CSMD1: variants seen among roughly 807,000 people sequenced by gnomAD.
The protein encoded by CSMD1 is CUB and sushi domain-containing protein 1.
In CSMD1, 213 loss-of-function variants were observed where a neutral mutation model predicts 417.5. The ratio of observed to expected loss-of-function variants is 0.51; its 90% confidence interval spans 0.46 to 0.57. CSMD1 has a LOEUF of 0.57. Ranked by LOEUF, CSMD1 falls within the 20% of genes least tolerant of loss-of-function variation. The probability of loss-of-function intolerance (pLI) is 0.00; values close to 1 mark genes in which losing one functional copy is unlikely to be tolerated. For missense variants in CSMD1, 6,923 were observed against 4,529.7 expected, an observed-to-expected ratio of 1.53 and a Z score of -15.17; for synonymous variants, 2,862 against 1,736.8, an observed-to-expected ratio of 1.65 and a Z score of -16.11.
chr8:4,216,422 T>C (rs1800672107), intron 3 of CSMD1, among the ~76,000 whole-genome samples: 1 of 152,156 alleles, frequency 6.6e-6, no homozygotes. Context: ...AAATTAATAC[T>C]TATTTGAAGT....
At position 4,687,174 on chromosome 8, in the gene CSMD1, G is replaced by A. The variant is rs1270198324; in HGVS notation, c.86-49616C>T. Among the ~76,000 whole-genome samples, 5 of 152,324 alleles carry A rather than the reference G, an allele frequency of 3.3e-5. No individual in the cohort carries two copies. In the South Asian group the frequency reaches 8.3e-4, roughly 25 times the overall value. The stretch of plus-strand genomic sequence containing the variant: ...ACCGCTGCCAGCCAGAGAGGCAGGG[G>A]TCTTAGTGTGAGCATCAGAGCCAAG... On this transcript the variant is annotated intron_variant, in intron 1 of 69. Coordinates refer to ENST00000635120, the MANE Select transcript of CSMD1 (RefSeq NM_033225.6).
At chr8:3,976,597 G>A (rs546987405) in intron 5 of CSMD1, among the ~76,000 whole-genome samples, 1 of 152,292 alleles carries the variant, frequency 6.6e-6, no homozygotes, top group South Asian at 2.1e-4. Context: ...GGCAAGATTT[G>A]CATAAGCATT....
At chr8:3,005,456 A>C (rs983507738) in intron 52 of CSMD1, among the ~76,000 whole-genome samples, 1 of 152,202 alleles carries the variant, frequency 6.6e-6, no homozygotes, top group African/African-American at 2.4e-5. Flanking sequence ...AAAGCTGGGC[A>C]GAAACACAAC....
intron 3 of CSMD1, among the ~76,000 whole-genome samples, chr8:4,156,243 T>C (rs1019731537): frequency 2.6e-4 from 40 of 152,190 alleles, no homozygotes; most frequent in African/African-American, 9.2e-4. Context: ...AAAATCTTTC[T>C]TTTTACTAAC....
At chr8:3,236,973 C>G (rs1471031124) in intron 26 of CSMD1, among the ~76,000 whole-genome samples, 1 of 152,028 alleles carries the variant, frequency 6.6e-6, no homozygotes, top group Non-Finnish European at 1.5e-5. Context: ...GGGGACATCT[C>G]TGCCACCTGT....
rs182417320 is a variant in CSMD1, at chr8:4,062,632, A to G, written c.416-30533T>C. Among the ~76,000 whole-genome samples the G allele has an allele frequency of 1.9e-4, 29 of 152,240 alleles. No homozygotes were observed. In the East Asian group the frequency reaches 5.4e-3, roughly 28 times the overall value. Reference sequence around the variant, plus strand: ...TAAAGCTGGAAAAACAGCACTTATTAGATTTCAATTCAGTAGTCACGTGCA... The same window carrying G: ...TAAAGCTGGAAAAACAGCACTTATTGGATTTCAATTCAGTAGTCACGTGCA... On this transcript the variant is annotated intron_variant, in intron 3 of 69. Transcript: ENST00000635120.
intron 54 of CSMD1, among the ~76,000 whole-genome samples, chr8:2,983,891 G>A (rs11781547): frequency 0.014 from 2,171 of 152,178 alleles, 16 homozygotes; most frequent in Non-Finnish European, 0.021. Flanking sequence ...AAGTAAAATC[G>A]AAACTGTCAG....
chr8:3,274,837 G>A (rs1447844022), intron 26 of CSMD1, among the ~76,000 whole-genome samples: 1 of 152,140 alleles, frequency 6.6e-6, no homozygotes, highest in Admixed American at 6.5e-5. Flanking sequence ...CCCGTGAGAT[G>A]TGTTTCCTGA....
At chr8:4,522,570 T>A (rs1472412021) in intron 2 of CSMD1, among the ~76,000 whole-genome samples, 1 of 152,174 alleles carries the variant, frequency 6.6e-6, no homozygotes, top group Non-Finnish European at 1.5e-5. Flanking sequence ...TCTGTTGCAA[T>A]AATTTTCAAA....
chr8:4,791,455 C>G (rs1265934147), intron 1 of CSMD1, among the ~76,000 whole-genome samples: 1 of 152,162 alleles, frequency 6.6e-6, no homozygotes, highest in Non-Finnish European at 1.5e-5. Flanking sequence ...GGTTTGTGAT[C>G]TTGAAAAGTG....
chr8:4,827,493 G>A (rs1235418443), intron 1 of CSMD1, among the ~76,000 whole-genome samples: 2 of 152,218 alleles, frequency 1.3e-5, no homozygotes, highest in Non-Finnish European at 2.9e-5. Flanking sequence ...AAGATGAACT[G>A]AATATTTTTC....
chr8:4,469,846 C>T (rs1285999495), intron 2 of CSMD1, among the ~76,000 whole-genome samples: 5 of 151,594 alleles, frequency 3.3e-5, no homozygotes, highest in African/African-American at 4.9e-5. Flanking sequence ...CGCACACCTA[C>T]GTGATCTGGC....
chr8:4,280,545 T>C (rs1796724923), intron 3 of CSMD1, among the ~76,000 whole-genome samples: 1 of 152,228 alleles, frequency 6.6e-6, no homozygotes, highest in Non-Finnish European at 1.5e-5. Flanking sequence ...CACATTTGCA[T>C]ATCAACACTG....
At chr8:4,104,961 C>A (rs1221812018) in intron 3 of CSMD1, among the ~76,000 whole-genome samples, 4 of 151,558 alleles carry the variant, frequency 2.6e-5, no homozygotes, top group Non-Finnish European at 5.9e-5. Context: ...ACAGCCACTG[C>A]CAATTCGATC....
At chr8:3,186,090 T>G (rs868743618) in intron 36 of CSMD1, among the ~76,000 whole-genome samples, 1 of 152,094 alleles carries the variant, frequency 6.6e-6, no homozygotes, top group Non-Finnish European at 1.5e-5. Flanking sequence ...ATCACCTACC[T>G]GTAATGCTGT....
chr8:3,230,612 C>T (rs1334603532), intron 26 of CSMD1, among the ~76,000 whole-genome samples: 1 of 152,096 alleles, frequency 6.6e-6, no homozygotes, highest in Non-Finnish European at 1.5e-5. Flanking sequence ...AGTACACCAA[C>T]CTCAAGGAAA....
intron 5 of CSMD1, among the ~76,000 whole-genome samples, chr8:3,993,449 G>C (rs142226344): frequency 2.0e-5 from 3 of 152,222 alleles, no homozygotes; most frequent in East Asian, 3.9e-4. Flanking sequence ...CCATTCAAGC[G>C]TTCTTTGAAA....
At chr8:3,580,209 C>A (rs1395361201) in intron 9 of CSMD1, among the ~76,000 whole-genome samples, 1 of 152,104 alleles carries the variant, frequency 6.6e-6, no homozygotes, top group Admixed American at 6.6e-5. Flanking sequence ...AAGTTTCTTG[C>A]CTTCAGCAGG....
intron 5 of CSMD1, among the ~76,000 whole-genome samples, chr8:3,820,612 C>T (rs569523704): frequency 1.4e-4 from 21 of 152,114 alleles, no homozygotes; most frequent in Non-Finnish European, 2.6e-4. Flanking sequence ...GTCTTGCTCT[C>T]TTGTCCAAGT....
Sources: gnomAD v4.1 joint callset for allele counts (sites outside exome capture counted in the v4.1 genomes callset) on GRCh38, gnomAD v4.1.1 for gene constraint, MANE v1.5 for transcripts, NCBI Gene and HGNC (gene_info 2026-07-23, HGNC 2026-07-21) for gene names.